DNM3: variants seen among roughly 807,000 people sequenced by gnomAD.
The protein encoded by DNM3 is dynamin-3.
In DNM3, 47 loss-of-function variants were observed where a neutral mutation model predicts 101.6. The ratio of observed to expected loss-of-function variants is 0.46; its 90% confidence interval spans 0.37 to 0.59. DNM3 has a LOEUF of 0.59. DNM3 is among the 20% of genes least tolerant of loss of function. The probability of loss-of-function intolerance (pLI) is 0.00; values close to 1 mark genes in which losing one functional copy is unlikely to be tolerated. For synonymous variants in DNM3, 385 were observed against 387.9 expected, an observed-to-expected ratio of 0.99 and a Z score of 0.09; for missense variants, 849 against 1,085.7, an observed-to-expected ratio of 0.78 and a Z score of 3.06.
intron 4 of DNM3, among the ~76,000 whole-genome samples, chr1:171,991,226 T>C (rs1363606416): frequency 6.6e-6 from 1 of 152,170 alleles, no homozygotes; most frequent in Non-Finnish European, 1.5e-5. Flanking sequence ...TATCCTCTGA[T>C]TAAATTTTAT....
At chr1:171,924,454 C>T (rs2040404695) in intron 2 of DNM3, among the ~76,000 whole-genome samples, 1 of 152,160 alleles carries the variant, frequency 6.6e-6, no homozygotes, top group Non-Finnish European at 1.5e-5. Context: ...ACTCACAGTT[C>T]AGCATGGCTG....
At chr1:172,118,330 A>G (rs184514095) in intron 13 of DNM3, among the ~76,000 whole-genome samples, 112 of 152,310 alleles carry the variant, frequency 7.4e-4, no homozygotes, top group African/African-American at 2.5e-3. Flanking sequence ...GATAGGGTAA[A>G]TAAATTTTTC....
At chr1:171,850,275 T>C (rs528953034) in intron 1 of DNM3, among the ~76,000 whole-genome samples, 140 of 152,342 alleles carry the variant, frequency 9.2e-4, no homozygotes, top group African/African-American at 3.3e-3. Flanking sequence ...TCTGATTTGA[T>C]TGACATTCCC....
At chr1:172,070,774 G>A (rs2052099212) in intron 11 of DNM3, among the ~76,000 whole-genome samples, 1 of 151,936 alleles carries the variant, frequency 6.6e-6, no homozygotes, top group African/African-American at 2.4e-5. Context: ...CAGACATTTT[G>A]TGAGGATGGA....
chr1:171,883,016 A>T (rs905546213), intron 1 of DNM3, among the ~76,000 whole-genome samples: 1 of 151,758 alleles, frequency 6.6e-6, no homozygotes, highest in African/African-American at 2.4e-5. Context: ...TAGTGTATAC[A>T]TATTAATATG....
At chr1:172,004,659 G>C (rs1209248087) in intron 4 of DNM3, among the ~76,000 whole-genome samples, 1 of 151,950 alleles carries the variant, frequency 6.6e-6, no homozygotes, top group Non-Finnish European at 1.5e-5. Flanking sequence ...ATTTGGGTTT[G>C]GAGAAGCACC....
At position 172,032,367 on chromosome 1, in the gene DNM3, C is replaced by A. The variant is rs762992445; in HGVS notation, c.590-35C>A. On this transcript the variant is annotated intron_variant, in intron 4 of 20. Transcript: ENST00000627582. ...ATGTCTAAAATTTGTTAGTCTTCTGCAAATTGTGTAATGTTGGGTTTGTTT... is the reference window on the plus strand; with the variant it reads ...ATGTCTAAAATTTGTTAGTCTTCTGAAAATTGTGTAATGTTGGGTTTGTTT... 14 of 1,508,530 alleles carry A rather than the reference C, an allele frequency of 9.3e-6. No individual in the cohort carries two copies. In the South Asian group the frequency reaches 1.2e-4, roughly 13 times the overall value. 93.4% of individuals were successfully genotyped at this position (1,508,530 alleles called of 1,614,324 possible). A position where few individuals can be genotyped will look rare whatever the true frequency, so the allele number is the denominator to read the frequency against.
At chr1:171,936,833 C>T (rs989390978) in intron 2 of DNM3, among the ~76,000 whole-genome samples, 2 of 23,394 alleles carry the variant, frequency 8.5e-5, no homozygotes, top group African/African-American at 3.2e-4. Context: ...TAACAGAAAT[C>T]AGAAAACTTG....
At chr1:172,015,961 A>G (rs574506444) in intron 4 of DNM3, among the ~76,000 whole-genome samples, 1 of 151,530 alleles carries the variant, frequency 6.6e-6, no homozygotes, top group Non-Finnish European at 1.5e-5. Flanking sequence ...GGATCACCTG[A>G]GGTCAGGAGT....
chr1:172,380,221 G>A, intron 18 of DNM3, among the ~76,000 whole-genome samples: 1 of 151,964 alleles, frequency 6.6e-6, no homozygotes, highest in East Asian at 1.9e-4. Flanking sequence ...ATCTGACTTA[G>A]GGATTTGTTC....
chr1:171,846,245 T>A (rs369554557), intron 1 of DNM3, among the ~76,000 whole-genome samples: 127 of 93,442 alleles, frequency 1.4e-3, no homozygotes, highest in African/African-American at 5.3e-3. Context: ...AAATTCACAG[T>A]TGGTGGTACT....
At chr1:172,046,121 C>T (rs984245450) in intron 9 of DNM3, among the ~76,000 whole-genome samples, 2 of 152,046 alleles carry the variant, frequency 1.3e-5, no homozygotes, top group Non-Finnish European at 2.9e-5. Flanking sequence ...TTTATTGCAG[C>T]ACTATTCACA....
chr1:172,223,632 C>T (rs1178947086), intron 14 of DNM3, among the ~76,000 whole-genome samples: 1 of 152,106 alleles, frequency 6.6e-6, no homozygotes, highest in Non-Finnish European at 1.5e-5. Context: ...ATCTATTGTT[C>T]CCTATTTCAG....
intron 1 of DNM3, among the ~76,000 whole-genome samples, chr1:171,871,193 T>C (rs1387349705): frequency 3.9e-5 from 6 of 152,210 alleles, no homozygotes; most frequent in African/African-American, 7.2e-5. Flanking sequence ...CAATTATGTA[T>C]GTGCTCACCA....
intron 4 of DNM3, among the ~76,000 whole-genome samples, chr1:172,009,948 C>T (rs553552772): frequency 2.0e-5 from 3 of 151,686 alleles, no homozygotes; most frequent in Non-Finnish European, 4.4e-5. Context: ...ATATCCTTAA[C>T]TATATTTGTG....
intron 1 of DNM3, among the ~76,000 whole-genome samples, chr1:171,904,444 C>T (rs1053725885): frequency 2.0e-5 from 3 of 152,194 alleles, no homozygotes; most frequent in Non-Finnish European, 4.4e-5. Flanking sequence ...ATAAATCCTC[C>T]TTATTCCCAA....
chr1:172,252,780 T>C (rs1016531196), intron 14 of DNM3, among the ~76,000 whole-genome samples: 1 of 152,182 alleles, frequency 6.6e-6, no homozygotes, highest in African/African-American at 2.4e-5. Context: ...CCAATAATTT[T>C]TTGGCATCCA....
At chr1:172,072,751 A>T (rs1233722301) in intron 11 of DNM3, among the ~76,000 whole-genome samples, 6 of 152,164 alleles carry the variant, frequency 3.9e-5, no homozygotes, top group African/African-American at 1.4e-4. Context: ...ACTGGGCATG[A>T]TGGCAGGTGC....
intron 17 of DNM3, among the ~76,000 whole-genome samples, chr1:172,371,512 G>T (rs1295987480): frequency 6.6e-6 from 1 of 151,550 alleles, no homozygotes; most frequent in Non-Finnish European, 1.5e-5. Context: ...CACTTTTTTT[G>T]AGCACTACTA....
Sources: allele counts gnomAD v4.1 joint callset (sites outside exome capture counted in the v4.1 genomes callset), GRCh38; gene constraint gnomAD v4.1.1; transcripts MANE v1.5; gene names NCBI Gene and HGNC (gene_info 2026-07-23, HGNC 2026-07-21).